RMST: variants seen among roughly 807,000 people sequenced by gnomAD.
The protein encoded by RMST is long intergenic non-protein coding RNA 54.
chr12:97,544,785 A>G (rs1307358649), intron 11 of RMST, among the ~76,000 whole-genome samples: 1 of 152,008 alleles, frequency 6.6e-6, no homozygotes, highest in Non-Finnish European at 1.5e-5. Context: ...ATGAAATCCC[A>G]TTAAAAAGTC....
At chr12:97,544,802 C>T (rs1437242656) in intron 11 of RMST, among the ~76,000 whole-genome samples, 1 of 151,884 alleles carries the variant, frequency 6.6e-6, no homozygotes, top group Non-Finnish European at 1.5e-5. Flanking sequence ...AGTCACATGA[C>T]TTTTTGGAGG....
At chr12:97,472,794 C>T (rs1252157974) in intron 5 of RMST, among the ~76,000 whole-genome samples, 2 of 152,058 alleles carry the variant, frequency 1.3e-5, no homozygotes, top group African/African-American at 4.8e-5. Flanking sequence ...AGTGTACAAT[C>T]TTTTAGACTA....
chr12:97,514,170 A>G (rs571478444), intron 10 of RMST, among the ~76,000 whole-genome samples: 2 of 152,198 alleles, frequency 1.3e-5, no homozygotes, highest in Non-Finnish European at 2.9e-5. Flanking sequence ...TTTGGATTCT[A>G]TGACTCTGAA....
intron 10 of RMST, among the ~76,000 whole-genome samples, chr12:97,518,501 T>C (rs1305974745): frequency 6.6e-6 from 1 of 152,178 alleles, no homozygotes; most frequent in Non-Finnish European, 1.5e-5. Context: ...ATATCATAAT[T>C]TGTGACCTTG....
At chr12:97,486,956 T>C (rs573603661) in intron 5 of RMST, among the ~76,000 whole-genome samples, 70 of 152,276 alleles carry the variant, frequency 4.6e-4, no homozygotes, top group African/African-American at 1.4e-3. Flanking sequence ...GAATGAGAAA[T>C]GTGTAGCATT....
At chr12:97,561,333 G>A (rs959644328) in intron 13 of RMST, among the ~76,000 whole-genome samples, 1 of 152,168 alleles carries the variant, frequency 6.6e-6, no homozygotes, top group East Asian at 1.9e-4. Flanking sequence ...ATGTCCAGTA[G>A]TTTATGTCTC....
chr12:97,513,317 T>C (rs1198854364), intron 10 of RMST, among the ~76,000 whole-genome samples: 1 of 152,260 alleles, frequency 6.6e-6, no homozygotes, highest in African/African-American at 2.4e-5. Context: ...CAAAGCCCTA[T>C]ATGGTTTTTG....
intron 10 of RMST, among the ~76,000 whole-genome samples, chr12:97,521,599 A>G (rs1188554546): frequency 6.6e-6 from 1 of 152,112 alleles, no homozygotes; most frequent in Non-Finnish European, 1.5e-5. Context: ...ACTTTCTTTC[A>G]TTCAAAAGTA....
At chr12:97,556,283 A>G (rs1052732886) in intron 11 of RMST, among the ~76,000 whole-genome samples, 4 of 152,144 alleles carry the variant, frequency 2.6e-5, no homozygotes, top group African/African-American at 7.2e-5. Context: ...AATTTCTTTT[A>G]TGTTAAATTA....
chr12:97,543,705 G>C (rs1882725428), intron 11 of RMST, among the ~76,000 whole-genome samples: 1 of 151,882 alleles, frequency 6.6e-6, no homozygotes, highest in Non-Finnish European at 1.5e-5. Flanking sequence ...ACAAACCTTT[G>C]AGGTGGGGGC....
At chr12:97,508,137 G>A (rs1019420747) in intron 10 of RMST, among the ~76,000 whole-genome samples, 1 of 152,154 alleles carries the variant, frequency 6.6e-6, no homozygotes, top group African/African-American at 2.4e-5. Context: ...TATAATGGAT[G>A]AATTAATACG....
At chr12:97,543,810 C>T (rs183434006) in intron 11 of RMST, among the ~76,000 whole-genome samples, 180 of 152,096 alleles carry the variant, frequency 1.2e-3, no homozygotes, top group African/African-American at 4.1e-3. Context: ...TTCTACATCT[C>T]ATGTTGTTAA....
At chr12:97,495,175 A>AT (rs1409819548) in intron 9 of RMST, among the ~76,000 whole-genome samples, 3 of 58,024 alleles carry the variant, frequency 5.2e-5, no homozygotes, top group African/African-American at 3.8e-4. Flanking sequence ...CATTATTCTT[A>AT]TGGGGGGGGA....
At chr12:97,516,324 AGGT>A (rs1344594321) in intron 10 of RMST, among the ~76,000 whole-genome samples, 1 of 151,974 alleles carries the variant, frequency 6.6e-6, no homozygotes, top group Non-Finnish European at 1.5e-5. Flanking sequence ...ATAAAACAAC[AGGT>A]GTAGGGTGTG....
At chr12:97,463,225 G>C (rs556295599) in exon 4 of RMST, 1 of 152,266 alleles carries the variant, frequency 6.6e-6, no homozygotes, top group African/African-American at 2.4e-5. Flanking sequence ...GCCGATTTCC[G>C]CGATGGCGAG....
At chr12:97,467,792 A>G (rs1873373172) in intron 5 of RMST, among the ~76,000 whole-genome samples, 1 of 151,932 alleles carries the variant, frequency 6.6e-6, no homozygotes, top group African/African-American at 2.4e-5. Context: ...TATTTATCTG[A>G]CCCATTTGCC....
At chr12:97,480,829 T>C (rs992288129) in intron 5 of RMST, among the ~76,000 whole-genome samples, 1 of 152,180 alleles carries the variant, frequency 6.6e-6, no homozygotes, top group Non-Finnish European at 1.5e-5. Context: ...CACTCCTACT[T>C]TTTCTTCAGT....
chr12:97,513,087 C>A (rs368582861), intron 10 of RMST, among the ~76,000 whole-genome samples: 1 of 152,212 alleles, frequency 6.6e-6, no homozygotes, highest in Non-Finnish European at 1.5e-5. Flanking sequence ...CCGCAAGCAC[C>A]GCGCGCAGCC....
chr12:97,533,840 T>C (rs917363387), intron 11 of RMST: 2 of 151,870 alleles, frequency 1.3e-5, no homozygotes, highest in Non-Finnish European at 2.9e-5. Flanking sequence ...CAAGGCATTA[T>C]AGTGTAAAAA....
Sources: allele counts gnomAD v4.1 joint callset (sites outside exome capture counted in the v4.1 genomes callset), GRCh38; gene constraint gnomAD v4.1.1; transcripts MANE v1.5; gene names NCBI Gene and HGNC (gene_info 2026-07-23, HGNC 2026-07-21).